The following CNTNAP5 variants were observed in gnomAD, a reference collection of about 807,000 sequenced individuals.
CNTNAP5 encodes contactin associated protein family member 5.
Under a neutral mutation model 150.2 loss-of-function variants are expected in CNTNAP5, and 72 were observed. The observed-to-expected ratio is 0.48, with a 90% CI of 0.40 to 0.58. CNTNAP5 has a LOEUF of 0.58. CNTNAP5 is among the 20% of genes least tolerant of loss of function. The pLI is 0.00. For synonymous variants in CNTNAP5, 672 were observed against 619.8 expected (o/e 1.08, Z -1.25); for missense variants, 1,636 against 1,626.2 (o/e 1.01, Z -0.10).
intron 1 of CNTNAP5, among the ~76,000 whole-genome samples, chr2:124,189,826 AG>A (rs957759101): frequency 7.2e-5 from 11 of 152,296 alleles, no homozygotes; most frequent in African/African-American, 2.6e-4. Flanking sequence ...GTTCATCTAA[AG>A]GGCATAGGGG....
chr2:124,742,487 C>A (rs187017352), intron 13 of CNTNAP5, among the ~76,000 whole-genome samples: 2 of 152,154 alleles, frequency 1.3e-5, no homozygotes, highest in Admixed American at 1.3e-4. Flanking sequence ...GCTGACATTG[C>A]GTTGTGCTAT....
intron 3 of CNTNAP5, among the ~76,000 whole-genome samples, chr2:124,290,979 T>C (rs1688275061): frequency 6.6e-6 from 1 of 152,166 alleles, no homozygotes; most frequent in Admixed American, 6.6e-5. Flanking sequence ...TGAAATAGTA[T>C]GTGTGAAAAC....
chr2:124,868,785 G>A (rs956174620), intron 20 of CNTNAP5, among the ~76,000 whole-genome samples: 2 of 152,144 alleles, frequency 1.3e-5, no homozygotes, highest in African/African-American at 4.8e-5. Context: ...CACTCAAGCT[G>A]TGCAAAGTCA....
In CNTNAP5 at chr2:124,911,455, T is replaced by C. The variant is rs1678653288; in HGVS notation, c.3656-12T>C. Reference sequence around the variant, plus strand: ...GTGAGAAGTAAAGTCCCATGTCTTTTACTCCTTTCAGATCCTTTTGGGAAG... The same window carrying C: ...GTGAGAAGTAAAGTCCCATGTCTTTCACTCCTTTCAGATCCTTTTGGGAAG... On this transcript the variant is annotated splice_polypyrimidine_tract_variant and intron_variant, in intron 22 of 23. Transcript: ENST00000682447. 1 of 1,581,762 alleles carries C rather than the reference T, an allele frequency of 6.3e-7. No homozygotes were observed. Among genetic ancestry groups the C allele is most frequent in the Non-Finnish European group, 8.6e-7 (1 of 1,161,318 alleles).
At chr2:124,334,176 C>T (rs1303769091) in intron 3 of CNTNAP5, among the ~76,000 whole-genome samples, 1 of 152,064 alleles carries the variant, frequency 6.6e-6, no homozygotes, top group Non-Finnish European at 1.5e-5. Context: ...GTCTGGATTG[C>T]TAAAGGCCTA....
chr2:124,278,159 T>C (rs2104619950), intron 3 of CNTNAP5, among the ~76,000 whole-genome samples: 1 of 152,204 alleles, frequency 6.6e-6, no homozygotes, highest in East Asian at 1.9e-4. Flanking sequence ...TCATTGGAGT[T>C]GCACAAAAAA....
At chr2:124,268,239 TA>T (rs1262332276) in intron 3 of CNTNAP5, among the ~76,000 whole-genome samples, 1 of 152,218 alleles carries the variant, frequency 6.6e-6, no homozygotes, top group African/African-American at 2.4e-5. Flanking sequence ...TGGACATTAG[TA>T]AAATCCAAGT....
chr2:124,845,784 A>C (rs1242399051), intron 19 of CNTNAP5, among the ~76,000 whole-genome samples: 1 of 152,128 alleles, frequency 6.6e-6, no homozygotes, highest in Non-Finnish European at 1.5e-5. Flanking sequence ...AAAGGTGTTC[A>C]TAATAACCTT....
intron 3 of CNTNAP5, among the ~76,000 whole-genome samples, chr2:124,382,399 T>G (rs2104739340): frequency 6.6e-6 from 1 of 152,236 alleles, no homozygotes; most frequent in South Asian, 2.1e-4. Context: ...GAGAGAAGAT[T>G]GCATGAAATC....
chr2:124,284,628 T>C (rs1688100064), intron 3 of CNTNAP5, among the ~76,000 whole-genome samples: 1 of 151,964 alleles, frequency 6.6e-6, no homozygotes, highest in Non-Finnish European at 1.5e-5. Flanking sequence ...AAATTAAAAT[T>C]TTAAAAAAGA....
intron 7 of CNTNAP5, among the ~76,000 whole-genome samples, chr2:124,500,842 G>A (rs566469210): frequency 3.3e-5 from 5 of 152,144 alleles, no homozygotes; most frequent in African/African-American, 1.2e-4. Flanking sequence ...GGAACAATAG[G>A]AGACCTACAC....
chr2:124,233,118 C>T (rs1163242079), intron 2 of CNTNAP5, among the ~76,000 whole-genome samples: 4 of 151,368 alleles, frequency 2.6e-5, no homozygotes, highest in East Asian at 1.9e-4. Context: ...TCAAAAAGGG[C>T]AGGCTCCAGG....
intron 1 of CNTNAP5, among the ~76,000 whole-genome samples, chr2:124,174,661 C>A (rs1277389638): frequency 1.3e-5 from 2 of 152,180 alleles, no homozygotes; most frequent in Admixed American, 1.3e-4. Flanking sequence ...GAGATGGCAT[C>A]CACTCCTGGT....
At chr2:124,039,545 T>C (rs2104629718) in intron 1 of CNTNAP5, among the ~76,000 whole-genome samples, 1 of 152,272 alleles carries the variant, frequency 6.6e-6, no homozygotes, top group East Asian at 1.9e-4. Flanking sequence ...TGATGTTAAG[T>C]AATGTGAGTA....
intron 21 of CNTNAP5, among the ~76,000 whole-genome samples, chr2:124,875,162 C>T (rs575425071): frequency 1.3e-5 from 2 of 152,152 alleles, no homozygotes; most frequent in South Asian, 2.1e-4. Context: ...TCTTGTCCAA[C>T]ATTACAGTAT....
chr2:124,840,189 G>A (rs1452330770), intron 19 of CNTNAP5, among the ~76,000 whole-genome samples: 1 of 152,038 alleles, frequency 6.6e-6, no homozygotes, highest in Non-Finnish European at 1.5e-5. Context: ...AGAACATAGG[G>A]CAGGTATTGG....
Position 124,200,186 on chromosome 2 carries a change from A to G in CNTNAP5, c.83-21519A>G, listed in dbSNP as rs144223306. Among the ~76,000 whole-genome samples, 297 of 152,340 alleles carry G rather than the reference A, an allele frequency of 1.9e-3. 2 individuals are homozygous for G. The highest frequency in any genetic ancestry group is 6.8e-3 in the African/African-American group (284 of 41,580). On this transcript the variant is annotated intron_variant, in intron 1 of 23. Coordinates refer to ENST00000682447, the MANE Select transcript of CNTNAP5 (RefSeq NM_001367498.1). Reference sequence around the variant, plus strand: ...GTTAAGATATTTTTGTTGGATACTGACTTTACATCTATTGAACTAATCATA... The same window carrying G: ...GTTAAGATATTTTTGTTGGATACTGGCTTTACATCTATTGAACTAATCATA...
intron 19 of CNTNAP5, among the ~76,000 whole-genome samples, chr2:124,851,756 T>C (rs1490713544): frequency 6.6e-6 from 1 of 152,006 alleles, no homozygotes; most frequent in Non-Finnish European, 1.5e-5. Context: ...GGTGAATGGA[T>C]AGGAGAAAGA....
chr2:124,273,177 G>C (rs916441218), intron 3 of CNTNAP5, among the ~76,000 whole-genome samples: 1 of 152,142 alleles, frequency 6.6e-6, no homozygotes, highest in Non-Finnish European at 1.5e-5. Context: ...CATTGGTCCT[G>C]TATTCTTAGC....
Sources: gnomAD v4.1 joint callset for allele counts (sites outside exome capture counted in the v4.1 genomes callset) on GRCh38, gnomAD v4.1.1 for gene constraint, MANE v1.5 for transcripts, NCBI Gene and HGNC (gene_info 2026-07-23, HGNC 2026-07-21) for gene names.